TSPAN15: variants seen among roughly 807,000 people sequenced by gnomAD.
TSPAN15 encodes tetraspanin 15, also known as tetraspanin-15.
A neutral mutation model predicts 34.5 loss-of-function variants in TSPAN15; 20 were observed. The observed-to-expected ratio is 0.58, with a 90% confidence interval of 0.41 to 0.84. The LOEUF (loss-of-function observed/expected upper bound fraction) is 0.84. Ranked by LOEUF, TSPAN15 falls within the 40% of genes least tolerant of loss-of-function variation. The pLI is 0.00. For missense variants in TSPAN15, 313 were observed against 386.1 expected, an observed-to-expected ratio of 0.81 and a Z score of 1.59; for synonymous variants, 155 against 153.9, an observed-to-expected ratio of 1.01 and a Z score of -0.05.
At chr10:69,503,261 G>A (rs540961726) in intron 5 of TSPAN15, among the ~76,000 whole-genome samples, 2 of 152,262 alleles carry the variant, frequency 1.3e-5, no homozygotes, top group South Asian at 4.1e-4. Context: ...TGACCTAGAT[G>A]ACATCTGAGG....
intron 6 of TSPAN15, among the ~76,000 whole-genome samples, chr10:69,504,695 C>T (rs1842288529): frequency 6.6e-6 from 1 of 152,190 alleles, no homozygotes; most frequent in Non-Finnish European, 1.5e-5. Context: ...GAGATGCCGC[C>T]TGTCAGGGTT....
At chr10:69,533,447 CAT>C in the TSPAN15 span, among the ~76,000 whole-genome samples, 1 of 152,110 alleles carries the variant, frequency 6.6e-6, no homozygotes, top group Non-Finnish European at 1.5e-5. Context: ...TTCTCACTGA[CAT>C]GTGGGAGCCA....
chr10:69,460,531 G>C (rs1482113547), intron 1 of TSPAN15, among the ~76,000 whole-genome samples: 14 of 152,034 alleles, frequency 9.2e-5, no homozygotes, highest in Admixed American at 9.2e-4. Flanking sequence ...GGGGTGGGAA[G>C]GGCCCAGTCC....
At chr10:69,492,895 C>CT (rs1214401636) in intron 3 of TSPAN15, among the ~76,000 whole-genome samples, 1 of 152,210 alleles carries the variant, frequency 6.6e-6, no homozygotes, top group African/African-American at 2.4e-5. Flanking sequence ...TGGGCCAGGA[C>CT]TGTGTCTGTG....
At chr10:69,517,609 C>T in the TSPAN15 span, among the ~76,000 whole-genome samples, 3 of 152,156 alleles carry the variant, frequency 2.0e-5, no homozygotes, top group African/African-American at 7.2e-5. Context: ...ACACAGGTTC[C>T]ACCACAGAGC....
At chr10:69,536,359 A>G in the TSPAN15 span, among the ~76,000 whole-genome samples, 4 of 152,148 alleles carry the variant, frequency 2.6e-5, no homozygotes, top group Non-Finnish European at 4.4e-5. Context: ...TTTTTTGGCC[A>G]TCTTCCAGGT....
the TSPAN15 span, among the ~76,000 whole-genome samples, chr10:69,549,274 G>A: frequency 5.9e-5 from 9 of 152,138 alleles, no homozygotes; most frequent in African/African-American, 2.2e-4. Flanking sequence ...CATACATGTT[G>A]CCCAGAGGTC....
intron 1 of TSPAN15, among the ~76,000 whole-genome samples, chr10:69,474,685 C>A (rs1841578447): frequency 6.6e-6 from 1 of 152,056 alleles, no homozygotes; most frequent in Admixed American, 6.5e-5. Flanking sequence ...AGCGGTTACC[C>A]TGGGAGGAAG....
the TSPAN15 span, among the ~76,000 whole-genome samples, chr10:69,539,380 G>A: frequency 5.5e-5 from 7 of 127,856 alleles, no homozygotes; most frequent in African/African-American, 2.0e-4. Flanking sequence ...AAAAATAGAA[G>A]AAGAAGAGGA....
intron 1 of TSPAN15, among the ~76,000 whole-genome samples, chr10:69,457,245 C>T (rs1841131821): frequency 6.6e-6 from 1 of 152,198 alleles, no homozygotes; most frequent in Admixed American, 6.5e-5. Flanking sequence ...GGCCTGTGCA[C>T]ACAGTAGGTG....
At chr10:69,538,906 G>A in the TSPAN15 span, among the ~76,000 whole-genome samples, 1 of 152,226 alleles carries the variant, frequency 6.6e-6, no homozygotes, top group African/African-American at 2.4e-5. Context: ...CTTGTGAGAA[G>A]CTTGAGGGAG....
At chr10:69,507,651 G>GTTTTTTTTTTTTTTTTTTT (rs398014021) in exon 8 of TSPAN15, 1 of 1,007,626 alleles carries the variant, frequency 9.9e-7, no homozygotes, top group Non-Finnish European at 1.3e-6. Flanking sequence ...ATAAAAACAT[G>GTTTTTTTTTTTTTTTTTTT]TTTTTTTTTT....
the TSPAN15 span, among the ~76,000 whole-genome samples, chr10:69,546,107 A>G: frequency 6.6e-6 from 1 of 152,100 alleles, no homozygotes; most frequent in South Asian, 2.1e-4. Flanking sequence ...TCCTTGTGGC[A>G]TTTGATTTTG....
chr10:69,478,287 G>A (rs1204097336), intron 1 of TSPAN15, among the ~76,000 whole-genome samples: 4 of 152,212 alleles, frequency 2.6e-5, no homozygotes, highest in African/African-American at 9.7e-5. Context: ...GGCAGGAGGA[G>A]GGGGTCCTGC....
downstream of TSPAN15, chr10:69,507,773 G>A: frequency 1.4e-6 from 1 of 724,758 alleles, no homozygotes. Flanking sequence ...GGTGCATGGG[G>A]TGAAGATTTG....
At chr10:69,533,374 A>G in the TSPAN15 span, among the ~76,000 whole-genome samples, 1 of 152,226 alleles carries the variant, frequency 6.6e-6, no homozygotes. Context: ...AGCAACCTAG[A>G]TGAGATTGGA....
At chr10:69,470,264 G>A (rs1182376652) in intron 1 of TSPAN15, among the ~76,000 whole-genome samples, 3 of 152,176 alleles carry the variant, frequency 2.0e-5, no homozygotes, top group Non-Finnish European at 4.4e-5. Flanking sequence ...ACATTAGGGG[G>A]TGTGTGCTAT....
intron 3 of TSPAN15, among the ~76,000 whole-genome samples, chr10:69,492,550 C>G (rs900176606): frequency 6.6e-6 from 1 of 152,226 alleles, no homozygotes; most frequent in Non-Finnish European, 1.5e-5. Context: ...CAGGGCCCCC[C>G]TTCCCCCAAC....
intron 1 of TSPAN15, among the ~76,000 whole-genome samples, chr10:69,452,383 T>A (rs1840992617): frequency 6.6e-6 from 1 of 152,210 alleles, no homozygotes; most frequent in Non-Finnish European, 1.5e-5. Context: ...TATTTTTTAT[T>A]TAAAACATTG....
Sources: allele counts gnomAD v4.1 joint callset (sites outside exome capture counted in the v4.1 genomes callset), GRCh38; gene constraint gnomAD v4.1.1; transcripts MANE v1.5; gene names NCBI Gene and HGNC (gene_info 2026-07-23, HGNC 2026-07-21).